FAF1: variants seen among roughly 807,000 people sequenced by gnomAD.
The protein encoded by FAF1 is Fas associated factor 1, also known as FAS-associated factor 1.
FAF1 carries 25 observed loss-of-function variants against 92.5 expected under a neutral mutation model. That is an observed-to-expected ratio of 0.27 (90% CI 0.20 to 0.38). FAF1 has a LOEUF of 0.38. FAF1 is among the 10% of genes least tolerant of loss of function. FAF1 has a pLI of 1.00. For synonymous variants in FAF1, 234 were observed against 273.2 expected (o/e 0.86, Z 1.42); for missense variants, 636 against 793.3 (o/e 0.80, Z 2.38).
intron 8 of FAF1, among the ~76,000 whole-genome samples, chr1:50,645,573 C>A (rs1654539722): frequency 6.6e-6 from 1 of 152,198 alleles, no homozygotes; most frequent in Admixed American, 6.5e-5. Flanking sequence ...CCTATAATCC[C>A]AGCATTTGGG....
chr1:50,685,642 G>C (rs1656625500), intron 7 of FAF1, among the ~76,000 whole-genome samples: 1 of 152,192 alleles, frequency 6.6e-6, no homozygotes, highest in Non-Finnish European at 1.5e-5. Flanking sequence ...GCACAGCCAG[G>C]AGATGCCATT....
chr1:50,787,853 C>T, intron 4 of FAF1, 147 bp downstream of exon 4: 3 of 639,306 alleles, frequency 4.7e-6, no homozygotes, highest in Non-Finnish European at 8.2e-6. Context: ...AAAAATAAAG[C>T]ATAATAATCA....
At chr1:50,578,581 T>C (rs1324517094) in intron 12 of FAF1, among the ~76,000 whole-genome samples, 2 of 152,172 alleles carry the variant, frequency 1.3e-5, no homozygotes, top group Non-Finnish European at 2.9e-5. Flanking sequence ...ATTTGGTCCC[T>C]ACTACTTACT....
chr1:50,919,575 C>A (rs1407185994), intron 1 of FAF1, among the ~76,000 whole-genome samples: 3 of 151,680 alleles, frequency 2.0e-5, no homozygotes, highest in Admixed American at 6.6e-5. Flanking sequence ...GCAACCTCCG[C>A]CTCCCGGGTT....
chr1:50,944,532 A>G (rs1645159025), intron 1 of FAF1, among the ~76,000 whole-genome samples: 1 of 152,104 alleles, frequency 6.6e-6, no homozygotes, highest in South Asian at 2.1e-4. Flanking sequence ...TTTACTCACA[A>G]CACCCAGACC....
intron 2 of FAF1, among the ~76,000 whole-genome samples, chr1:50,804,663 T>G (rs1280267519): frequency 6.6e-6 from 1 of 152,184 alleles, no homozygotes; most frequent in African/African-American, 2.4e-5. Context: ...AAAACATTTG[T>G]GTGAAAAGCA....
At chr1:50,700,421 G>A (rs1657418501) in intron 7 of FAF1, among the ~76,000 whole-genome samples, 2 of 151,950 alleles carry the variant, frequency 1.3e-5, no homozygotes, top group Admixed American at 1.3e-4. Context: ...AGGACCATCT[G>A]GTCAAAAGCA....
chr1:50,738,790 T>A (rs1179309206), intron 6 of FAF1, 73 bp downstream of exon 6: 2 of 949,776 alleles, frequency 2.1e-6, no homozygotes, highest in African/African-American at 3.3e-5. Context: ...ATTTTGAGGT[T>A]TATATACAAC....
intron 8 of FAF1, 84 bp downstream of exon 8, chr1:50,655,358 T>C: frequency 1.1e-6 from 1 of 891,094 alleles, no homozygotes; most frequent in South Asian, 1.3e-5. Context: ...AAGCATTTAA[T>C]TGTGCTTATT....
intron 1 of FAF1, among the ~76,000 whole-genome samples, chr1:50,931,924 T>TAAC (rs1645051454): frequency 7.1e-6 from 1 of 140,024 alleles, no homozygotes; most frequent in Non-Finnish European, 1.6e-5. Context: ...ATAATAATAA[T>TAAC]AATAGCACAT....
chr1:50,789,777 G>C (rs1344988845), intron 3 of FAF1, among the ~76,000 whole-genome samples: 1 of 151,958 alleles, frequency 6.6e-6, no homozygotes. Context: ...ACTTAAAGTG[G>C]CGTATGAGGC....
intron 18 of FAF1, among the ~76,000 whole-genome samples, chr1:50,474,430 T>A (rs992442236): frequency 2.6e-5 from 4 of 152,138 alleles, no homozygotes; most frequent in African/African-American, 9.7e-5. Context: ...ATTTTTTATT[T>A]CCATGGGTTT....
chr1:50,467,526 G>A lies in FAF1; in HGVS notation c.1869+7938C>T, dbSNP rs373603609. 5.1e-4 allele frequency among the ~76,000 whole-genome samples: 77 copies of A among 152,184 alleles called. No individual in the cohort carries two copies. The East Asian group carries it at 8.1e-3, about 16-fold the overall frequency. ...GGCGGGGTTTCACCATGTTAGCCAGGACGGTCTCGATCTCCTGACCTCGTG... is the reference window on the plus strand; with the variant it reads ...GGCGGGGTTTCACCATGTTAGCCAGAACGGTCTCGATCTCCTGACCTCGTG... On this transcript the variant is annotated intron_variant, in intron 18 of 18. Coordinates refer to ENST00000396153, the MANE Select transcript of FAF1 (RefSeq NM_007051.3).
rs386631103 is a variant in FAF1, at chr1:50,758,287, CAAG to C, written c.368-13515_368-13513del. ...AAGGATGGTCTCAAACTCCTGACCTCAAGTGATCCACCTGCCTCGGCCTCCCAA... is the reference window on the plus strand; with the variant it reads ...AAGGATGGTCTCAAACTCCTGACCTCTGATCCACCTGCCTCGGCCTCCCAA... On this transcript the variant is annotated intron_variant, in intron 4 of 18. Transcript: ENST00000396153. 3.6e-4 allele frequency among the ~76,000 whole-genome samples: 55 copies of C among 152,288 alleles called. 4 individuals carry two copies. Among genetic ancestry groups the C allele is most frequent in the African/African-American group, 1.3e-3 (54 of 41,570 alleles).
intron 8 of FAF1, among the ~76,000 whole-genome samples, chr1:50,624,593 A>T (rs1653403862): frequency 6.6e-6 from 1 of 152,242 alleles, no homozygotes; most frequent in South Asian, 2.1e-4. Flanking sequence ...ATATGAAAGG[A>T]TTTTAAAACT....
chr1:50,487,241 T>C (rs1348954986), intron 17 of FAF1, among the ~76,000 whole-genome samples: 1 of 152,202 alleles, frequency 6.6e-6, no homozygotes, highest in Non-Finnish European at 1.5e-5. Context: ...TCAGATCTGA[T>C]GTTACGCACA....
intron 18 of FAF1, among the ~76,000 whole-genome samples, chr1:50,446,708 G>T (rs190642592): frequency 6.6e-6 from 1 of 152,168 alleles, no homozygotes; most frequent in African/African-American, 2.4e-5. Flanking sequence ...TAATATTTCT[G>T]AGGTAATGCT....
intron 1 of FAF1, among the ~76,000 whole-genome samples, chr1:50,866,874 T>C (rs1644485848): frequency 2.0e-5 from 3 of 152,138 alleles, no homozygotes; most frequent in Admixed American, 1.3e-4. Flanking sequence ...AGTGACCATA[T>C]AGCCAAAATA....
At chr1:50,473,744 T>C (rs1165436030) in intron 18 of FAF1, among the ~76,000 whole-genome samples, 1 of 152,178 alleles carries the variant, frequency 6.6e-6, no homozygotes, top group Non-Finnish European at 1.5e-5. Context: ...AGTCAGCACC[T>C]GGGATCCACT....
Sources: allele counts gnomAD v4.1 joint callset (sites outside exome capture counted in the v4.1 genomes callset), GRCh38; gene constraint gnomAD v4.1.1; transcripts MANE v1.5; gene names NCBI Gene and HGNC (gene_info 2026-07-23, HGNC 2026-07-21).